Variants in LRRN1 observed in about 807,000 individuals in gnomAD.
LRRN1 encodes leucine rich repeat neuronal 1, also known as leucine-rich repeat neuronal protein 1.
A neutral mutation model predicts 45.8 loss-of-function variants in LRRN1; 14 were observed. That is an observed-to-expected ratio of 0.31 (90% CI 0.20 to 0.48). The LOEUF (loss-of-function observed/expected upper bound fraction) is 0.48, where lower values mean the gene tolerates loss of function less well. LRRN1 is among the 20% of genes least tolerant of loss of function. The pLI is 0.99. For missense variants in LRRN1, 789 were observed against 874.2 expected, an observed-to-expected ratio of 0.90 and a Z score of 1.23; for synonymous variants, 359 against 330.1, an observed-to-expected ratio of 1.09 and a Z score of -0.95.
chr3:3,846,493 G>T lies in LRRN1; in HGVS notation c.1852G>T (p.Ala618Ser), dbSNP rs150535895. 4.8e-5 allele frequency: 78 copies of T among 1,614,090 alleles called. No individual in the cohort carries two copies. The African/African-American group carries it at 9.6e-4, about 20-fold the overall frequency. The change falls in exon 2 of 2, where the codon GCC becomes TCC. Residue 618 changes from alanine to serine, a missense_variant. Transcript: ENST00000319331. The surrounding 1 kb of genome is among the most constrained non-coding windows in gnomAD (Gnocchi z 5.7). ...CGTAAATGTCACAACCAAAAATGCC[G>T]CCTTCGCAGTGGACATCTCTGATCA... is the stretch of plus-strand genomic sequence containing the variant. ...SCVNVTTKNA[A>S]FAVDISDQET...
intron 1 of LRRN1, among the ~76,000 whole-genome samples, chr3:3,823,811 A>G (rs1693159077): frequency 6.6e-6 from 1 of 152,130 alleles, no homozygotes; most frequent in African/African-American, 2.4e-5. Flanking sequence ...TCTCTTAAAA[A>G]TCTGGGAGCA....
intron 1 of LRRN1, among the ~76,000 whole-genome samples, chr3:3,804,795 G>GACA (rs1553560970): frequency 3.3e-5 from 5 of 151,932 alleles, no homozygotes; most frequent in African/African-American, 7.3e-5. Context: ...CAATGTACAT[G>GACA]TGACATCCTT....
At chr3:3,836,819 G>A (rs1308466144) in intron 1 of LRRN1, among the ~76,000 whole-genome samples, 7 of 152,148 alleles carry the variant, frequency 4.6e-5, no homozygotes, top group African/African-American at 1.7e-4. Flanking sequence ...TCTGTCCCCT[G>A]TTGCTGGTAC....
At position 3,803,403 on chromosome 3, in the gene LRRN1, C is replaced by T. The variant is rs190838825; in HGVS notation, c.-279+3484C>T. Among the ~76,000 whole-genome samples, 35 of 152,214 alleles carry T rather than the reference C, an allele frequency of 2.3e-4. No individual in the cohort carries two copies. The South Asian group carries it at 2.7e-3, about 12-fold the overall frequency. On this transcript the variant is annotated intron_variant, in intron 1 of 1. Transcript: ENST00000319331. ...TTATAGGATGCAGATGCCAGTTTTA[C>T]GAGACTTGCACAATGCTTACTTAAA...
chr3:3,837,344 T>G (rs1693543988), intron 1 of LRRN1, among the ~76,000 whole-genome samples: 1 of 151,866 alleles, frequency 6.6e-6, no homozygotes, highest in Admixed American at 6.6e-5. Context: ...CCCCCCCCAT[T>G]TTATAACCCC....
chr3:3,823,412 A>T (rs1467293978), intron 1 of LRRN1, among the ~76,000 whole-genome samples: 1 of 152,050 alleles, frequency 6.6e-6, no homozygotes, highest in East Asian at 1.9e-4. Context: ...AAAAAAGAAG[A>T]AGAAGAAGGT....
At chr3:3,811,450 TAGCA>T (rs1164915386) in intron 1 of LRRN1, among the ~76,000 whole-genome samples, 1 of 152,242 alleles carries the variant, frequency 6.6e-6, no homozygotes, top group East Asian at 1.9e-4. Flanking sequence ...AAAATGTACT[TAGCA>T]AATATTCAGT....
At chr3:3,814,804 G>T in intron 1 of LRRN1, among the ~76,000 whole-genome samples, 1 of 152,132 alleles carries the variant, frequency 6.6e-6, no homozygotes, top group East Asian at 1.9e-4. Flanking sequence ...AAAGCAGAAA[G>T]CAGTCCTCAC....
chr3:3,834,553 T>TATATA (rs1553563059), intron 1 of LRRN1, among the ~76,000 whole-genome samples: 5 of 18,764 alleles, frequency 2.7e-4, no homozygotes, highest in East Asian at 9.8e-4. Context: ...TATATATATA[T>TATATA]GATATATATA....
chr3:3,828,266 C>G (rs975581853), intron 1 of LRRN1, among the ~76,000 whole-genome samples: 6 of 151,826 alleles, frequency 4.0e-5, no homozygotes, highest in African/African-American at 1.5e-4. Context: ...AGCAAGGAGA[C>G]CAGTCTGAGT....
At chr3:3,843,165 T>G (rs1371047050) in intron 1 of LRRN1, among the ~76,000 whole-genome samples, 7 of 152,248 alleles carry the variant, frequency 4.6e-5, no homozygotes, top group Admixed American at 4.6e-4. Context: ...AGAACTGTCC[T>G]TGTATGAGCA....
At chr3:3,823,552 C>T (rs773006603) in intron 1 of LRRN1, among the ~76,000 whole-genome samples, 8 of 152,094 alleles carry the variant, frequency 5.3e-5, no homozygotes, top group Non-Finnish European at 7.4e-5. Flanking sequence ...CTTAAGTTGA[C>T]GCCAAAGGAA....
intron 1 of LRRN1, among the ~76,000 whole-genome samples, chr3:3,836,637 C>T (rs1263290277): frequency 6.6e-6 from 1 of 152,060 alleles, no homozygotes; most frequent in Non-Finnish European, 1.5e-5. Context: ...CTTCCAATAC[C>T]CTTCCCTCCT....
At chr3:3,834,534 A>ATATATATATATATATC (rs1553563083) in intron 1 of LRRN1, among the ~76,000 whole-genome samples, 4 of 105,760 alleles carry the variant, frequency 3.8e-5, no homozygotes, top group African/African-American at 1.4e-4. Context: ...GGATATATAT[A>ATATATATATATATATC]TATATATATA....
intron 1 of LRRN1, among the ~76,000 whole-genome samples, chr3:3,813,052 T>C (rs1192074255): frequency 5.3e-5 from 8 of 152,206 alleles, no homozygotes; most frequent in Non-Finnish European, 7.3e-5. Context: ...CAGATACAGA[T>C]TTTTTATAGT....
intron 1 of LRRN1, among the ~76,000 whole-genome samples, chr3:3,833,661 A>G (rs760961994): frequency 6.6e-6 from 1 of 152,086 alleles, no homozygotes; most frequent in Non-Finnish European, 1.5e-5. Flanking sequence ...TCCGGAGGAG[A>G]ATCAACATTA....
rs544077622 is a variant in LRRN1 at position 3,834,363 on chromosome 3, T to G, written c.-278-10001T>G. On this transcript the variant is annotated intron_variant, in intron 1 of 1. Coordinates refer to ENST00000319331, the MANE Select transcript of LRRN1 (RefSeq NM_020873.7). ...CGACTATCAGTGTTCTCCATACTAT[T>G]AGAAGTACAGTCCTTAGCATTTTTG... 2.0e-5 allele frequency among the ~76,000 whole-genome samples: 3 copies of G among 151,232 alleles called. No homozygotes were observed. In the South Asian group the frequency reaches 6.3e-4, roughly 32 times the overall value.
At chr3:3,821,688 T>C (rs1386592268) in intron 1 of LRRN1, among the ~76,000 whole-genome samples, 1 of 152,128 alleles carries the variant, frequency 6.6e-6, no homozygotes, top group African/African-American at 2.4e-5. Context: ...ACAGAACAGG[T>C]TTGTCTCAAT....
intron 1 of LRRN1, among the ~76,000 whole-genome samples, chr3:3,834,536 ATATATATATATATATATGATATATATAT>A (rs1371292337): frequency 5.3e-4 from 58 of 109,132 alleles, no homozygotes; most frequent in Non-Finnish European, 9.4e-4. Flanking sequence ...ATATATATAT[ATATATATATATATATATGATATATATAT>A]TATTATACAT....
Sources: gnomAD v4.1 joint callset for allele counts (sites outside exome capture counted in the v4.1 genomes callset) on GRCh38, gnomAD v4.1.1 for gene constraint, Gnocchi (gnomAD v3.1) non-coding constraint, MANE v1.5 for transcripts, NCBI Gene and HGNC (gene_info 2026-07-23, HGNC 2026-07-21) for gene names.